The following DNAH9 variants were observed in gnomAD, a reference collection of about 807,000 sequenced individuals.
The protein encoded by DNAH9 is DNAH9 variant protein.
Under a neutral mutation model 471.6 loss-of-function variants are expected in DNAH9, and 345 were observed. The observed-to-expected ratio is 0.73, with a 90% CI of 0.67 to 0.80. The LOEUF is 0.80. Ranked by LOEUF, DNAH9 falls within the 30% of genes least tolerant of loss-of-function variation. The pLI, the probability that DNAH9 is intolerant of heterozygous loss-of-function variation, is 0.00. For synonymous variants in DNAH9, 2,093 were observed against 2,123.6 expected (o/e 0.99, Z 0.40); for missense variants, 5,407 against 5,609.2 (o/e 0.96, Z 1.15).
Position 11,652,920 on chromosome 17 carries a change from C to T in DNAH9, c.2513C>T (p.Ser838Phe). 3 of 1,613,956 alleles carry T rather than the reference C, an allele frequency of 1.9e-6. No homozygotes were observed. Residue 838 changes from serine to phenylalanine, a missense_variant, in exon 14 of 69, where the codon TCT becomes TTT. Coordinates refer to ENST00000262442, the MANE Select transcript of DNAH9 (RefSeq NM_001372.4). ...GATGGAAAAAGGGAATCCCTTCTTT[C>T]TCTGGATGATCGGCATGATCGAATG... is the stretch of plus-strand genomic sequence containing the variant. ...TKDGKRESLLSLDDRHDRMEK... is the reference protein window; with the variant it reads ...TKDGKRESLLFLDDRHDRMEK...
chr17:11,875,276 G>T (rs1451728901), intron 53 of DNAH9, 92 bp downstream of exon 53: 2 of 991,468 alleles, frequency 2.0e-6, no homozygotes, highest in African/African-American at 3.2e-5. Flanking sequence ...TGAATGGTTT[G>T]TACACTCCTG....
chr17:11,671,801 A>G (rs953204235), intron 17 of DNAH9, among the ~76,000 whole-genome samples: 4 of 152,232 alleles, frequency 2.6e-5, no homozygotes, highest in African/African-American at 9.6e-5. Context: ...CATAGGCATC[A>G]ACCAGGCAGG....
At chr17:11,604,308 C>T (rs1040364371) in intron 1 of DNAH9, among the ~76,000 whole-genome samples, 9 of 152,196 alleles carry the variant, frequency 5.9e-5, no homozygotes, top group East Asian at 1.9e-4. Context: ...AGGTGTGAGC[C>T]GCCGCGCCCG....
intron 59 of DNAH9, among the ~76,000 whole-genome samples, chr17:11,896,102 T>C (rs1161320082): frequency 1.3e-5 from 2 of 152,230 alleles, no homozygotes; most frequent in Non-Finnish European, 2.9e-5. Context: ...CACATGGCTG[T>C]CTTCCCTTTG....
intron 46 of DNAH9, 122 bp from the exon 47 acceptor site, chr17:11,822,316 A>G: frequency 4.8e-6 from 6 of 1,242,756 alleles, no homozygotes; most frequent in Non-Finnish European, 5.7e-6. Flanking sequence ...ATTTACAGAT[A>G]TTATCTCTGT....
intron 22 of DNAH9, among the ~76,000 whole-genome samples, chr17:11,698,214 A>G (rs1229738885): frequency 2.4e-3 from 54 of 22,540 alleles, no homozygotes; most frequent in African/African-American, 4.8e-3. Context: ...TAATAATATA[A>G]TTATATTAAT....
Position 11,668,449 on chromosome 17 carries a change from G to A in DNAH9, c.2732-615G>A, listed in dbSNP as rs534476509. ...TGGGAGGCCAAGGCGGGCGAATCAC[G>A]AGGTCAGGAGTTTGAGACCAGCCTG... On this transcript the variant is annotated intron_variant, in intron 15 of 68. Transcript: ENST00000262442. Among the ~76,000 whole-genome samples, 26 of 152,176 alleles carry A rather than the reference G, an allele frequency of 1.7e-4. No homozygotes were observed. In the South Asian group the frequency reaches 3.1e-3, roughly 18 times the overall value.
chr17:11,699,949 C>G (rs2074561957), intron 23 of DNAH9, 66 bp downstream of exon 23: 1 of 1,533,008 alleles, frequency 6.5e-7, no homozygotes, highest in Admixed American at 1.7e-5. Flanking sequence ...CAAATATGAT[C>G]AGCATCAACT....
chr17:11,759,278 C>T (rs985882533), intron 35 of DNAH9, among the ~76,000 whole-genome samples: 3 of 151,928 alleles, frequency 2.0e-5, no homozygotes, highest in African/African-American at 7.3e-5. Flanking sequence ...CCCCCTGCCA[C>T]CCTCCCACCT....
At chr17:11,651,804 A>G (rs1238430928) in intron 13 of DNAH9, among the ~76,000 whole-genome samples, 4 of 152,180 alleles carry the variant, frequency 2.6e-5, no homozygotes, top group Non-Finnish European at 5.9e-5. Flanking sequence ...CTCTACCCTC[A>G]AAGAGCTCAC....
In DNAH9 at chr17:11,669,223, C is replaced by T; in HGVS notation, c.2891C>T (p.Pro964Leu). The stretch of plus-strand genomic sequence containing the variant: ...ATTTTTAGGATACCATCTCTGGTGC[C>T]ACGGCTTTCCCCACAAAATGGCTCT... Reference protein sequence around the residue: ...TSIFRIPSLVPRLSPQNGSPH... With the variant: ...TSIFRIPSLVLRLSPQNGSPH... The change falls in exon 16 of 69, where the codon CCA becomes CTA. Residue 964 changes from proline to leucine, a missense_variant. Coordinates refer to ENST00000262442, the MANE Select transcript of DNAH9 (RefSeq NM_001372.4). The T allele has an allele frequency of 6.2e-7, 1 of 1,613,922 alleles. No homozygotes were observed. The highest frequency in any genetic ancestry group is 8.5e-7 in the Non-Finnish European group (1 of 1,179,932).
At chr17:11,617,330 TTTAC>T in intron 4 of DNAH9, 77 bp from the exon 5 acceptor site, 1 of 961,356 alleles carries the variant, frequency 1.0e-6, no homozygotes, top group Non-Finnish European at 1.6e-6. Context: ...TTGCAGGTCT[TTTAC>T]TTCCCAGGGA....
intron 45 of DNAH9, among the ~76,000 whole-genome samples, chr17:11,820,112 T>C (rs926898775): frequency 3.3e-5 from 5 of 152,316 alleles, no homozygotes; most frequent in African/African-American, 1.2e-4. Context: ...AAATCTCATT[T>C]ATTCCTAGTT....
intron 58 of DNAH9, among the ~76,000 whole-genome samples, chr17:11,893,645 C>T (rs1973130296): frequency 6.6e-6 from 1 of 152,054 alleles, no homozygotes; most frequent in African/African-American, 2.4e-5. Context: ...TATTCTCACT[C>T]ATAAGTGGGA....
chr17:11,640,215 G>A (rs985300135), intron 9 of DNAH9, 55 bp from the exon 10 acceptor site: 28 of 1,057,762 alleles, frequency 2.6e-5, no homozygotes, highest in South Asian at 4.2e-5. Context: ...TTTGCCGAGC[G>A]GAGAGGACTG....
chr17:11,680,051 G>C, intron 18 of DNAH9, 72 bp downstream of exon 18: 1 of 1,212,026 alleles, frequency 8.3e-7, no homozygotes, highest in South Asian at 1.4e-5. Flanking sequence ...GGGGTAAAGT[G>C]GGGTACAGCA....
rs376593197 is a variant in DNAH9 at position 11,797,842 on chromosome 17, A to G, written c.8420+49A>G. ...TTTCCTCAGTTGCTTCCTCTTCCCAATGACAGGGGTCTCATTCGGCTATTT... is the reference window on the plus strand; with the variant it reads ...TTTCCTCAGTTGCTTCCTCTTCCCAGTGACAGGGGTCTCATTCGGCTATTT... On this transcript the variant is annotated intron_variant, in intron 43 of 68. Transcript: ENST00000262442. 1.1e-3 allele frequency: 1,739 copies of G among 1,563,600 alleles called. 6 individuals carry two copies. Among genetic ancestry groups the G allele is most frequent in the Non-Finnish European group, 1.3e-3 (1,458 of 1,148,708 alleles).
intron 14 of DNAH9, among the ~76,000 whole-genome samples, chr17:11,660,319 C>CTTTTTTT (rs1208889792): frequency 1.4e-4 from 14 of 97,502 alleles, no homozygotes; most frequent in Admixed American, 3.9e-4. Flanking sequence ...TTAAATGTTT[C>CTTTTTTT]TTTTTTTTTT....
intron 20 of DNAH9, among the ~76,000 whole-genome samples, chr17:11,692,211 G>A (rs1378914804): frequency 6.6e-6 from 1 of 152,138 alleles, no homozygotes; most frequent in Non-Finnish European, 1.5e-5. Context: ...GGGACCTTGG[G>A]CAGGACACTT....
Sources: allele counts gnomAD v4.1 joint callset (sites outside exome capture counted in the v4.1 genomes callset), GRCh38; gene constraint gnomAD v4.1.1; transcripts MANE v1.5; gene names NCBI Gene and HGNC (gene_info 2026-07-23, HGNC 2026-07-21).